DEPDC1B: variants seen among roughly 807,000 people sequenced by gnomAD.
DEPDC1B encodes the protein DEP domain-containing protein 1B.
In DEPDC1B, 51 loss-of-function variants were observed where a neutral mutation model predicts 66.5. The ratio of observed to expected loss-of-function variants is 0.77; its 90% confidence interval spans 0.61 to 0.97. The LOEUF (loss-of-function observed/expected upper bound fraction) is 0.97. Ranked by LOEUF, DEPDC1B falls within the 50% of genes least tolerant of loss-of-function variation. The probability of loss-of-function intolerance (pLI) is 0.00; values close to 1 mark genes in which losing one functional copy is unlikely to be tolerated. For missense variants in DEPDC1B, 552 were observed against 637.1 expected (o/e 0.87, Z 1.44); for synonymous variants, 226 against 223.6 (o/e 1.01, Z -0.10).
At chr5:60,619,541 T>C (rs985021104) in intron 7 of DEPDC1B, among the ~76,000 whole-genome samples, 2 of 152,150 alleles carry the variant, frequency 1.3e-5, no homozygotes, top group African/African-American at 4.8e-5. Flanking sequence ...CATTCACAAT[T>C]GCTTCAAACA....
intron 7 of DEPDC1B, among the ~76,000 whole-genome samples, chr5:60,621,437 C>A (rs1398115145): frequency 6.6e-6 from 1 of 151,874 alleles, no homozygotes; most frequent in African/African-American, 2.4e-5. Context: ...AGCAAACTAT[C>A]GCAGGGACAA....
intron 7 of DEPDC1B, among the ~76,000 whole-genome samples, chr5:60,621,509 G>A (rs1752700448): frequency 6.6e-6 from 1 of 151,746 alleles, no homozygotes; most frequent in Non-Finnish European, 1.5e-5. Flanking sequence ...ACAGAAAGGG[G>A]AATATAACAC....
chr5:60,680,101 C>T (rs570107878), intron 2 of DEPDC1B, among the ~76,000 whole-genome samples: 1 of 152,240 alleles, frequency 6.6e-6, no homozygotes, highest in East Asian at 1.9e-4. Flanking sequence ...TTCTTATAAA[C>T]ATATAAAGTA....
chr5:60,601,116 C>A (rs1584017447), intron 9 of DEPDC1B, among the ~76,000 whole-genome samples: 1 of 152,178 alleles, frequency 6.6e-6, no homozygotes, highest in Non-Finnish European at 1.5e-5. Context: ...CTGGGGCCTC[C>A]CCAGCCATGC....
intron 7 of DEPDC1B, among the ~76,000 whole-genome samples, chr5:60,633,096 T>C (rs1584048058): frequency 6.6e-6 from 1 of 152,204 alleles, no homozygotes; most frequent in Non-Finnish European, 1.5e-5. Flanking sequence ...CAATAGTTAA[T>C]AGCATTATGC....
chr5:60,659,916 C>T (rs1358000939), intron 2 of DEPDC1B, among the ~76,000 whole-genome samples: 3 of 152,154 alleles, frequency 2.0e-5, no homozygotes, highest in Non-Finnish European at 4.4e-5. Context: ...AGGTATACAG[C>T]TCTTGACATG....
At chr5:60,644,407 C>T (rs1753261339) in intron 5 of DEPDC1B, among the ~76,000 whole-genome samples, 1 of 152,008 alleles carries the variant, frequency 6.6e-6, no homozygotes, top group Non-Finnish European at 1.5e-5. Context: ...GCAGTCAGAC[C>T]CCAGGGCCCA....
chr5:60,690,679 A>C (rs1267062349), intron 1 of DEPDC1B, among the ~76,000 whole-genome samples: 4 of 151,990 alleles, frequency 2.6e-5, no homozygotes, highest in Admixed American at 6.6e-5. Context: ...TTCCTATTTA[A>C]ATCAGATTTT....
intron 2 of DEPDC1B, among the ~76,000 whole-genome samples, chr5:60,665,555 G>A (rs1238018397): frequency 6.6e-6 from 1 of 152,148 alleles, no homozygotes; most frequent in Non-Finnish European, 1.5e-5. Context: ...CCCATGCTCC[G>A]ATGTTAATGA....
intron 3 of DEPDC1B, among the ~76,000 whole-genome samples, chr5:60,646,078 T>A (rs1369153567): frequency 6.6e-6 from 1 of 152,228 alleles, no homozygotes; most frequent in Non-Finnish European, 1.5e-5. Flanking sequence ...GTAAGTGCAA[T>A]GTTCGAAAGT....
chr5:60,631,925 C>T (rs1032751846), intron 7 of DEPDC1B, among the ~76,000 whole-genome samples: 1 of 152,192 alleles, frequency 6.6e-6, no homozygotes, highest in African/African-American at 2.4e-5. Context: ...ATTTTTCTAA[C>T]CATTCTGGCT....
At chr5:60,657,955 A>C (rs1753615615) in intron 2 of DEPDC1B, among the ~76,000 whole-genome samples, 1 of 152,166 alleles carries the variant, frequency 6.6e-6, no homozygotes, top group Non-Finnish European at 1.5e-5. Context: ...ATTTAGCATA[A>C]TCCCAAATTT....
At chr5:60,657,505 C>T (rs1232154789) in intron 2 of DEPDC1B, among the ~76,000 whole-genome samples, 2 of 152,134 alleles carry the variant, frequency 1.3e-5, no homozygotes, top group African/African-American at 4.8e-5. Context: ...AGCAAATTCT[C>T]TCAGCATTTG....
chr5:60,667,991 T>TTATATATATAAAATGGATATTTTA lies in DEPDC1B; in HGVS notation c.314+18947_314+18970dup, dbSNP rs1561384542. ...ATATTTTATATATATAAAATGGATA[T>TTATATATATAAAATGGATATTTTA]TATATATATAAAATGGATATTTTAT... is the stretch of plus-strand genomic sequence containing the variant. On this transcript the variant is annotated intron_variant, in intron 2 of 10. Transcript: ENST00000265036. 1.4e-3 allele frequency among the ~76,000 whole-genome samples: 135 copies of TTATATATATAAAATGGATATTTTA among 93,696 alleles called. 3 individuals carry two copies. Among genetic ancestry groups the TTATATATATAAAATGGATATTTTA allele is most frequent in the African/African-American group, 2.9e-3 (52 of 17,838 alleles). The allele number at this position is 93,696 out of a possible 152,430, so 61.5% of individuals were successfully genotyped here. A position where few individuals can be genotyped will look rare whatever the true frequency, so the allele number is the denominator to read the frequency against.
chr5:60,659,565 A>G (rs1753659486), intron 2 of DEPDC1B, among the ~76,000 whole-genome samples: 1 of 152,218 alleles, frequency 6.6e-6, no homozygotes, highest in Non-Finnish European at 1.5e-5. Context: ...GCTGACTAGT[A>G]GCAGAAAGCT....
intron 7 of DEPDC1B, among the ~76,000 whole-genome samples, chr5:60,613,407 T>G (rs538943242): frequency 7.0e-4 from 107 of 152,278 alleles, no homozygotes; most frequent in African/African-American, 2.4e-3. Context: ...AACGAAGGTT[T>G]GAAAAGAGCA....
At chr5:60,672,825 T>TA (rs968237696) in intron 2 of DEPDC1B, among the ~76,000 whole-genome samples, 3 of 152,212 alleles carry the variant, frequency 2.0e-5, no homozygotes, top group South Asian at 4.1e-4. Flanking sequence ...CTGTGTTTGT[T>TA]ATAGTCCTTC....
At chr5:60,662,516 A>T (rs1753743295) in intron 2 of DEPDC1B, among the ~76,000 whole-genome samples, 1 of 152,184 alleles carries the variant, frequency 6.6e-6, no homozygotes. Context: ...AATAGGATAA[A>T]AAGAAGGCCA....
intron 2 of DEPDC1B, among the ~76,000 whole-genome samples, chr5:60,654,875 T>C (rs889681558): frequency 1.3e-5 from 2 of 149,066 alleles, no homozygotes; most frequent in Non-Finnish European, 2.9e-5. Flanking sequence ...TCTGTGTCTA[T>C]TGGGATGATC....
Sources: gnomAD v4.1 joint callset for allele counts (sites outside exome capture counted in the v4.1 genomes callset) on GRCh38, gnomAD v4.1.1 for gene constraint, MANE v1.5 for transcripts, NCBI Gene and HGNC (gene_info 2026-07-23, HGNC 2026-07-21) for gene names.